Variants in TFCP2 observed in about 807,000 individuals in gnomAD.
TFCP2 encodes the protein alpha-globin transcription factor CP2.
Under a neutral mutation model 73.4 loss-of-function variants are expected in TFCP2, and 33 were observed. The observed-to-expected ratio is 0.45, with a 90% CI of 0.34 to 0.60. TFCP2 has a LOEUF of 0.60. TFCP2 is among the 20% of genes least tolerant of loss of function. TFCP2 has a pLI of 0.01. For missense variants in TFCP2, 352 were observed against 604.0 expected (o/e 0.58, Z 4.37); for synonymous variants, 193 against 211.6 (o/e 0.91, Z 0.76).
rs1939919833 is a variant in TFCP2, at chr12:51,094,979, C to T, written c.*262G>A. The T allele has an allele frequency of 1.2e-5, 6 of 499,676 alleles. No individual in the cohort carries two copies. In the East Asian group the frequency reaches 1.8e-4, roughly 15 times the overall value. 31.0% of individuals were successfully genotyped at this position (499,676 alleles called of 1,614,324 possible). A position where few individuals can be genotyped will look rare whatever the true frequency, so the allele number is the denominator to read the frequency against. On this transcript the variant is annotated 3_prime_UTR_variant, in exon 15 of 15. Transcript: ENST00000257915. ...CACTCTAAATTATGTAGAGTTTCTACTGATATTTAACAACAACAAGGTCCA... is the reference window on the plus strand; with the variant it reads ...CACTCTAAATTATGTAGAGTTTCTATTGATATTTAACAACAACAAGGTCCA...
At chr12:51,160,681 T>A (rs1383422297) in intron 1 of TFCP2, among the ~76,000 whole-genome samples, 1 of 152,148 alleles carries the variant, frequency 6.6e-6, no homozygotes, top group Non-Finnish European at 1.5e-5. Flanking sequence ...CCAAAGTAAC[T>A]ATTGAGATGG....
At chr12:51,097,458 C>T (rs954566481) in intron 13 of TFCP2, among the ~76,000 whole-genome samples, 3 of 150,856 alleles carry the variant, frequency 2.0e-5, no homozygotes, top group Admixed American at 6.6e-5. Flanking sequence ...ATCTTGGACA[C>T]GATGGTCTTG....
chr12:51,136,943 CA>C (rs1352472290), intron 1 of TFCP2, among the ~76,000 whole-genome samples: 3 of 151,964 alleles, frequency 2.0e-5, no homozygotes, highest in Non-Finnish European at 1.5e-5. Flanking sequence ...GACTCTGTCT[CA>C]AAAACAAACA....
At chr12:51,116,458 T>C (rs751797100) in intron 3 of TFCP2, 38 bp from the exon 4 acceptor site, 3 of 1,183,932 alleles carry the variant, frequency 2.5e-6, no homozygotes, top group Non-Finnish European at 1.2e-6. Flanking sequence ...TAACAAGACC[T>C]CTTGAAAATC....
chr12:51,161,649 C>CA (rs1210755846), intron 1 of TFCP2, among the ~76,000 whole-genome samples: 1 of 147,310 alleles, frequency 6.8e-6, no homozygotes, highest in African/African-American at 2.5e-5. Flanking sequence ...CACTGTACTC[C>CA]AGCCCAGGCA....
chr12:51,127,925 C>CTTT (rs11421627), intron 1 of TFCP2, among the ~76,000 whole-genome samples: 35 of 146,328 alleles, frequency 2.4e-4, no homozygotes, highest in Admixed American at 5.4e-4. Context: ...ATTTTCTTTT[C>CTTT]TTTTTTTTTT....
At chr12:51,107,767 C>A (rs1173346774) in intron 6 of TFCP2, among the ~76,000 whole-genome samples, 1 of 151,880 alleles carries the variant, frequency 6.6e-6, no homozygotes, top group Non-Finnish European at 1.5e-5. Context: ...CCACCACACC[C>A]AGCTAATTTT....
Position 51,117,663 on chromosome 12 carries a change from C to A in TFCP2, c.351+8G>T. 1 of 1,601,424 alleles carries A rather than the reference C, an allele frequency of 6.2e-7. No homozygotes were observed. The highest frequency in any genetic ancestry group is 1.1e-5 in the South Asian group (1 of 89,776). On this transcript the variant is annotated splice_region_variant and intron_variant, in intron 3 of 14. Coordinates refer to ENST00000257915, the MANE Select transcript of TFCP2 (RefSeq NM_005653.5). ...ATATTGTACAGAAGAATGATTTATT[C>A]GTTTTACCTTCACCAATTTGCCATT...
At chr12:51,163,942 C>T (rs979761395) in intron 1 of TFCP2, among the ~76,000 whole-genome samples, 3 of 150,402 alleles carry the variant, frequency 2.0e-5, no homozygotes, top group Non-Finnish European at 4.4e-5. Flanking sequence ...CAGTACCTCA[C>T]ACCTGTAATC....
intron 1 of TFCP2, among the ~76,000 whole-genome samples, chr12:51,130,150 C>A (rs2452795): frequency 0.91 from 138,626 of 151,850 alleles, 63,680 homozygotes; most frequent in Non-Finnish European, 0.97. Context: ...TTCACAAAAA[C>A]CCTACAAACA....
At chr12:51,122,001 TAC>T (rs1025981887) in intron 1 of TFCP2, among the ~76,000 whole-genome samples, 13 of 152,288 alleles carry the variant, frequency 8.5e-5, no homozygotes, top group African/African-American at 3.1e-4. Context: ...GAAAGTTGAC[TAC>T]ACTCTTGTGA....
At chr12:51,137,493 G>A (rs1171351421) in intron 1 of TFCP2, among the ~76,000 whole-genome samples, 2 of 152,004 alleles carry the variant, frequency 1.3e-5, no homozygotes, top group Non-Finnish European at 2.9e-5. Context: ...CCTACCTCAG[G>A]AGATTTACTA....
At chr12:51,111,219 C>T (rs897345035) in intron 4 of TFCP2, among the ~76,000 whole-genome samples, 2 of 151,968 alleles carry the variant, frequency 1.3e-5, no homozygotes, top group Non-Finnish European at 2.9e-5. Flanking sequence ...TCTCAGCTCA[C>T]TGCAACCTCT....
chr12:51,142,203 C>CAAAAAAAA (rs3053458), intron 1 of TFCP2, among the ~76,000 whole-genome samples: 1 of 52,742 alleles, frequency 1.9e-5, no homozygotes, highest in African/African-American at 8.6e-5. Context: ...GACTCTGTCG[C>CAAAAAAAA]AAAAAAAAAA....
At chr12:51,140,445 CTTTTT>C (rs768526922) in intron 1 of TFCP2, among the ~76,000 whole-genome samples, 2 of 88,036 alleles carry the variant, frequency 2.3e-5, no homozygotes, top group African/African-American at 9.0e-5. Context: ...TTTTCTTTTT[CTTTTT>C]TTTTTTTTTT....
At chr12:51,124,714 C>T (rs1331203667) in intron 1 of TFCP2, 4 of 682,056 alleles carry the variant, frequency 5.9e-6, no homozygotes, top group Admixed American at 1.9e-5. Flanking sequence ...GCAATCAGCT[C>T]GGTTGCCTTG....
chr12:51,148,501 A>G (rs1592829001), intron 1 of TFCP2, among the ~76,000 whole-genome samples: 1 of 151,762 alleles, frequency 6.6e-6, no homozygotes, highest in Non-Finnish European at 1.5e-5. Flanking sequence ...GGAGTTTAAG[A>G]CCAGCCTAGC....
At chr12:51,138,016 ACTC>A (rs754423599) in intron 1 of TFCP2, among the ~76,000 whole-genome samples, 6 of 151,926 alleles carry the variant, frequency 3.9e-5, no homozygotes, top group Non-Finnish European at 8.8e-5. Context: ...CTCATCCTGT[ACTC>A]CCTACCATGC....
rs200225348 is a variant in TFCP2, at chr12:51,103,776, G to A, written c.967-13C>T. 89 of 1,605,452 alleles carry A rather than the reference G, an allele frequency of 5.5e-5. No homozygotes were observed. The highest frequency in any genetic ancestry group is 7.0e-5 in the Non-Finnish European group (82 of 1,175,230). ...TTGGTAAGAGGTTCTGAAAGGGAGA[G>A]CACGTTTTTTAGATAACCAAATAGA... On this transcript the variant is annotated splice_polypyrimidine_tract_variant and intron_variant, in intron 9 of 14. Transcript: ENST00000257915.
Sources: gnomAD v4.1 joint callset for allele counts (sites outside exome capture counted in the v4.1 genomes callset) on GRCh38, gnomAD v4.1.1 for gene constraint, MANE v1.5 for transcripts, NCBI Gene and HGNC (gene_info 2026-07-23, HGNC 2026-07-21) for gene names.